The following SEPTIN6 variants were observed in gnomAD, a reference collection of about 807,000 sequenced individuals.
SEPTIN6 encodes the protein septin 6.
SEPTIN6 carries 8 observed loss-of-function variants against 33.6 expected under a neutral mutation model. The ratio of observed to expected loss-of-function variants is 0.24; its 90% confidence interval spans 0.14 to 0.43. The LOEUF (loss-of-function observed/expected upper bound fraction) is 0.43. SEPTIN6 is among the 20% of genes least tolerant of loss of function. SEPTIN6 has a pLI of 1.00. For missense variants in SEPTIN6, 250 were observed against 340.8 expected, an observed-to-expected ratio of 0.73 and a Z score of 2.10; for synonymous variants, 131 against 140.0, an observed-to-expected ratio of 0.94 and a Z score of 0.45.
chrX:119,677,897 T>C (rs1411330460), intron 1 of SEPTIN6, among the ~76,000 whole-genome samples: 1 of 112,686 alleles, frequency 8.9e-6, no homozygotes, highest in Non-Finnish European at 1.9e-5. Context: ...TATGCCATCA[T>C]TCAGTGAGAG....
intron 5 of SEPTIN6, among the ~76,000 whole-genome samples, chrX:119,645,199 C>T (rs1014076980): frequency 1.0e-4 from 11 of 105,648 alleles, no homozygotes; most frequent in Non-Finnish European, 1.6e-4. Flanking sequence ...TGAGCCACCG[C>T]GCCTGGCCAG....
intron 9 of SEPTIN6, among the ~76,000 whole-genome samples, chrX:119,626,890 T>C (rs2053865029): frequency 1.8e-5 from 2 of 110,936 alleles, no homozygotes; most frequent in African/African-American, 6.6e-5. Flanking sequence ...TTTCGCCATG[T>C]TGCCCAGGCT....
chrX:119,669,511 C>T (rs1432541430), intron 2 of SEPTIN6, among the ~76,000 whole-genome samples: 1 of 112,223 alleles, frequency 8.9e-6, no homozygotes, highest in Non-Finnish European at 1.9e-5. Context: ...TGACCTTGTC[C>T]TTTCTCCTTC....
At chrX:119,633,520 T>C (rs1217335634) in intron 7 of SEPTIN6, 28 bp from the exon 8 acceptor site, 1 of 1,174,390 alleles carries the variant, frequency 8.5e-7, no homozygotes, top group Non-Finnish European at 1.1e-6. Flanking sequence ...TTAATTCTTC[T>C]TCCTTTGGAA....
At chrX:119,616,774 T>C, downstream of SEPTIN6, 11 of 1,154,138 alleles carry the variant, frequency 9.5e-6, no homozygotes, top group Non-Finnish European at 1.3e-5. Flanking sequence ...AAAGAAAACA[T>C]GAAATTAGCC....
chrX:119,667,711 G>A (rs2054668222), intron 2 of SEPTIN6, among the ~76,000 whole-genome samples: 1 of 109,874 alleles, frequency 9.1e-6, no homozygotes, highest in Admixed American at 9.8e-5. Flanking sequence ...TGAGGGGGAG[G>A]CACACGTGAC....
chrX:119,656,312 C>G (rs756578113), intron 3 of SEPTIN6, among the ~76,000 whole-genome samples: 1 of 111,940 alleles, frequency 8.9e-6, no homozygotes, highest in Non-Finnish European at 1.9e-5. Flanking sequence ...GAGGGTTCAA[C>G]TACTTTAAAT....
At chrX:119,634,093 G>A (rs1048818128) in intron 7 of SEPTIN6, among the ~76,000 whole-genome samples, 1 of 111,900 alleles carries the variant, frequency 8.9e-6, no homozygotes, top group African/African-American at 3.2e-5. Flanking sequence ...TAGGCTGGGT[G>A]CAGTGGCTCA....
chrX:119,662,821 G>A (rs900236122), intron 3 of SEPTIN6, among the ~76,000 whole-genome samples: 7 of 112,697 alleles, frequency 6.2e-5, no homozygotes, highest in African/African-American at 1.9e-4. Context: ...TCTAGCCAAA[G>A]AGAGCAAGCT....
chrX:119,628,872 A>C, intron 9 of SEPTIN6: 1 of 89,969 alleles, frequency 1.1e-5, no homozygotes, highest in Admixed American at 1.3e-4. Context: ...CTGGTCTTGG[A>C]CTCCTGACCT....
In SEPTIN6 at chrX:119,623,921, G is replaced by C. The variant is rs146749871; in HGVS notation, c.*41+1414C>G. The C allele has an allele frequency of 1.6e-3, 235 of 148,006 alleles. 2 individuals carry two copies. The highest frequency in any genetic ancestry group is 2.3e-3 in the South Asian group (17 of 7,392). The allele number at this position is 148,006 out of a possible 1,213,427, so 12.2% of individuals were successfully genotyped here. A position where few individuals can be genotyped will look rare whatever the true frequency, so the allele number is the denominator to read the frequency against. ...TATTTCCTTTCCATCCACTACCTGA[G>C]TCTAGTAGAGGAGATAGAAGGTCCT... On this transcript the variant is annotated intron_variant, in intron 10 of 10. Coordinates refer to ENST00000394610, the MANE Select transcript of SEPTIN6 (RefSeq NM_145799.4).
intron 7 of SEPTIN6, among the ~76,000 whole-genome samples, chrX:119,635,901 T>C (rs1221773811): frequency 2.7e-5 from 3 of 111,382 alleles, no homozygotes. Flanking sequence ...GGGAAGGAGC[T>C]GGCAGAGAAG....
chrX:119,618,908 A>G lies in SEPTIN6; in HGVS notation c.*1185T>C. ...CTGTGCCTCATAACCCTGACAAGGG[A>G]GGGCTCTCTACTTCACAGAGGTTCC... On this transcript the variant is annotated 3_prime_UTR_variant, in exon 11 of 11. Coordinates refer to ENST00000394610, the MANE Select transcript of SEPTIN6 (RefSeq NM_145799.4). 8.9e-7 allele frequency: 1 copy of G among 1,121,765 alleles called. No individual in the cohort carries two copies. The allele number at this position is 1,121,765 out of a possible 1,213,427, so 92.4% of individuals were successfully genotyped here.
At chrX:119,620,566 G>A (rs1408085910) in intron 10 of SEPTIN6, among the ~76,000 whole-genome samples, 7 of 109,136 alleles carry the variant, frequency 6.4e-5, no homozygotes, top group Non-Finnish European at 1.3e-4. Flanking sequence ...TGATCTGCCC[G>A]CCTTGGCCTC....
At position 119,629,382 on chromosome X, in the gene SEPTIN6, G is replaced by A; in HGVS notation, c.1216C>T (p.Leu406Phe). 1 of 1,211,766 alleles carries A rather than the reference G, an allele frequency of 8.3e-7. No homozygotes were observed. Among genetic ancestry groups the A allele is most frequent in the Non-Finnish European group, 1.1e-6 (1 of 895,434 alleles). The part of the protein sequence containing the change: ...FKQRKTAAEL[L>F]QSQGSQAGGS... Reference sequence around the variant, plus strand: ...CCAGCCTGGGAGCCCTGGGACTGGAGCAGCTCAGCCGCCGTCTTTCTTTGC... The same window carrying A: ...CCAGCCTGGGAGCCCTGGGACTGGAACAGCTCAGCCGCCGTCTTTCTTTGC... The change falls in exon 9 of 11, where the codon CTC becomes TTC. Residue 406 changes from leucine to phenylalanine, a missense_variant. Leu to Phe is a conservative substitution (Grantham distance 22). Transcript: ENST00000394610.
intron 2 of SEPTIN6, among the ~76,000 whole-genome samples, chrX:119,671,516 C>A (rs1486808443): frequency 9.1e-6 from 1 of 110,214 alleles, no homozygotes; most frequent in African/African-American, 3.3e-5. Context: ...TCTCGATCTC[C>A]TGACCTCATG....
At chrX:119,649,827 C>T (rs900525237) in intron 5 of SEPTIN6, 110 bp downstream of exon 5, 1 of 805,821 alleles carries the variant, frequency 1.2e-6, no homozygotes, top group Non-Finnish European at 1.8e-6. Context: ...GTTGTGATCA[C>T]ACCACTGCAC....
At position 119,663,134 on chromosome X, in the gene SEPTIN6, T is replaced by A. The variant is rs144097099; in HGVS notation, c.341+348A>T. Among the ~76,000 whole-genome samples, 534 of 111,857 alleles carry A rather than the reference T, an allele frequency of 4.8e-3. 1 individual carries two copies. Among genetic ancestry groups the A allele is most frequent in the African/African-American group, 0.016 (502 of 30,796 alleles). ...GCTTAAAACCGGTTTTGCCTATGAG[T>A]CCCTCAAGGGCAGAGACTAAGCCAT... On this transcript the variant is annotated intron_variant, in intron 3 of 10. Coordinates refer to ENST00000394610, the MANE Select transcript of SEPTIN6 (RefSeq NM_145799.4).
rs771211119 is a variant in SEPTIN6, at chrX:119,660,208, A to G, written c.341+3274T>C. 1.6e-4 allele frequency among the ~76,000 whole-genome samples: 18 copies of G among 112,515 alleles called. No homozygotes were observed. In the South Asian group the frequency reaches 6.2e-3, roughly 39 times the overall value. On this transcript the variant is annotated intron_variant, in intron 3 of 10. Coordinates refer to ENST00000394610, the MANE Select transcript of SEPTIN6 (RefSeq NM_145799.4). ...CCTTTAAATGGTAGCTTTCCGCAGT[A>G]TCCGGCCTTAGTCATTCCTCTTCCT...
Sources: allele counts gnomAD v4.1 joint callset (sites outside exome capture counted in the v4.1 genomes callset), GRCh38; gene constraint gnomAD v4.1.1; transcripts MANE v1.5; gene names NCBI Gene and HGNC (gene_info 2026-07-23, HGNC 2026-07-21).